The following EIF4ENIF1 variants were observed in gnomAD, a reference collection of about 807,000 sequenced individuals.
The protein encoded by EIF4ENIF1 is eukaryotic translation initiation factor 4E nuclear import factor 1, also known as eukaryotic translation initiation factor 4E transporter.
Under a neutral mutation model 110.5 loss-of-function variants are expected in EIF4ENIF1, and 23 were observed. That is an observed-to-expected ratio of 0.21 (90% CI 0.15 to 0.29). The LOEUF (loss-of-function observed/expected upper bound fraction) is 0.29. Among genes scored for constraint, EIF4ENIF1 ranks in the 10% least tolerant of loss-of-function variants. EIF4ENIF1 has a pLI of 1.00. For synonymous variants in EIF4ENIF1, 440 were observed against 437.0 expected (o/e 1.01, Z -0.09); for missense variants, 1,031 against 1,221.1 (o/e 0.84, Z 2.32).
intron 2 of EIF4ENIF1, among the ~76,000 whole-genome samples, chr22:31,481,706 C>T (rs996190787): frequency 1.3e-5 from 2 of 152,116 alleles, no homozygotes; most frequent in Admixed American, 1.3e-4. Flanking sequence ...TCAGTCACTT[C>T]AACTGCTTGT....
chr22:31,487,862 T>C (rs970646847), intron 2 of EIF4ENIF1, among the ~76,000 whole-genome samples: 22 of 149,648 alleles, frequency 1.5e-4, no homozygotes, highest in African/African-American at 4.9e-4. Context: ...AACTAGGATA[T>C]AACCCTTCTT....
chr22:31,451,440 ATTT>A (rs746661815), intron 10 of EIF4ENIF1, among the ~76,000 whole-genome samples: 1 of 141,698 alleles, frequency 7.1e-6, no homozygotes, highest in Non-Finnish European at 1.5e-5. Context: ...CGCCCAGCTA[ATTT>A]TTTTTTTTTT....
At chr22:31,464,675 C>CAGAAAAAAAAAA (rs2051112331) in intron 4 of EIF4ENIF1, among the ~76,000 whole-genome samples, 1 of 30,924 alleles carries the variant, frequency 3.2e-5, no homozygotes, top group African/African-American at 3.5e-4. Flanking sequence ...GATTCAGTCT[C>CAGAAAAAAAAAA]AAAAAAAAAA....
chr22:31,449,066 A>G (rs980882861), intron 12 of EIF4ENIF1, among the ~76,000 whole-genome samples: 1 of 152,316 alleles, frequency 6.6e-6, no homozygotes, highest in East Asian at 1.9e-4. Context: ...GCTGGAGTAC[A>G]GTGGCGTGAT....
At chr22:31,450,032 G>A (rs534191660) in intron 11 of EIF4ENIF1, among the ~76,000 whole-genome samples, 2 of 152,286 alleles carry the variant, frequency 1.3e-5, no homozygotes, top group South Asian at 4.1e-4. Context: ...TGCCTGGCTA[G>A]ATACTTTTAA....
Position 31,456,223 on chromosome 22 carries a change from CTTTTTTTT to C in EIF4ENIF1, c.964-244_964-237del, listed in dbSNP as rs36001621. Among the ~76,000 whole-genome samples the C allele has an allele frequency of 2.3e-5, 3 of 131,018 alleles. No individual in the cohort carries two copies. In the Admixed American group the frequency reaches 2.4e-4, roughly 10 times the overall value. 86.0% of individuals were successfully genotyped at this position (131,018 alleles called of 152,430 possible). ...TACTTTCCTTTTTTATTTTTTATTA[CTTTTTTTT>C]TTTTTTTTTTGAGACAGAGTCTCGC... On this transcript the variant is annotated intron_variant, in intron 7 of 18. Transcript: ENST00000330125.
rs1491344845 is a variant in EIF4ENIF1 at position 31,450,843 on chromosome 22, CTA to C, written c.1513-485_1513-484del. ...ACATACATACACACATATATATATA[CTA>C]CACACACACACACACACACACACAC... On this transcript the variant is annotated intron_variant, in intron 10 of 18. Coordinates refer to ENST00000330125, the MANE Select transcript of EIF4ENIF1 (RefSeq NM_019843.4). The C allele has an allele frequency of 7.2e-5, 7 of 96,932 alleles. No homozygotes were observed. In the South Asian group the frequency reaches 1.1e-3, roughly 15 times the overall value. The allele number at this position is 96,932 out of a possible 1,614,324, so 6.0% of individuals were successfully genotyped here. A position where few individuals can be genotyped will look rare whatever the true frequency, so the allele number is the denominator to read the frequency against.
At chr22:31,485,056 G>T (rs1429556374) in intron 2 of EIF4ENIF1, among the ~76,000 whole-genome samples, 1 of 152,192 alleles carries the variant, frequency 6.6e-6, no homozygotes, top group Non-Finnish European at 1.5e-5. Context: ...AAAGGGAGAA[G>T]ACTTCTTTAT....
chr22:31,452,030 G>A (rs962088339), intron 10 of EIF4ENIF1, among the ~76,000 whole-genome samples: 1 of 152,166 alleles, frequency 6.6e-6, no homozygotes, highest in Non-Finnish European at 1.5e-5. Flanking sequence ...ATCTCTTTAA[G>A]AGTCATTTAC....
rs745812749 is a variant in EIF4ENIF1, at chr22:31,440,746, G to A, written c.2674C>T (p.Pro892Ser). The change falls in exon 18 of 19, where the codon CCT becomes TCT. Residue 892 changes from proline (P) to serine (S), a missense_variant. Transcript: ENST00000330125. Reference sequence around the variant, plus strand: ...TGTTGCACCATTGCCAGATGCAGAGGTGTTCCAGGACGAGGGTTTAAGAGA... The same window carrying A: ...TGTTGCACCATTGCCAGATGCAGAGATGTTCCAGGACGAGGGTTTAAGAGA... ...HPLLNPRPGT[P>S]LHLAMVQQQL... 7.4e-6 allele frequency: 12 copies of A among 1,613,904 alleles called. No homozygotes were observed. Among genetic ancestry groups the A allele is most frequent in the African/African-American group, 1.3e-5 (1 of 74,936 alleles).
chr22:31,464,300 A>C, intron 4 of EIF4ENIF1: 1 of 238,882 alleles, frequency 4.2e-6, no homozygotes, highest in South Asian at 7.8e-5. Context: ...GCGTATTTGA[A>C]AAAATAACTG....
At chr22:31,442,235 A>G in intron 16 of EIF4ENIF1, 117 bp from the exon 17 acceptor site, 1 of 804,478 alleles carries the variant, frequency 1.2e-6, no homozygotes, top group Non-Finnish European at 2.0e-6. Context: ...TACCCTTAAC[A>G]AGTTTAGAGG....
In EIF4ENIF1 at chr22:31,455,974, A is replaced by G; in HGVS notation, c.977T>C (p.Val326Ala). The G allele has an allele frequency of 6.2e-7, 1 of 1,613,954 alleles. No individual in the cohort carries two copies. Among genetic ancestry groups the G allele is most frequent in the South Asian group, 1.1e-5 (1 of 91,036 alleles). The part of the protein sequence containing the change: ...VPCLASMIED[V>A]LGEGSVSASR... ...GGCAGAGACTGACCCTTCTCCCAAA[A>G]CATCTTCTATCATCTGAAGAAAAAG... is the stretch of plus-strand genomic sequence containing the variant. The change falls in exon 8 of 19, where the codon GTT becomes GCT. Residue 326 changes from valine to alanine, a missense_variant. Coordinates refer to ENST00000330125, the MANE Select transcript of EIF4ENIF1 (RefSeq NM_019843.4).
chr22:31,445,177 G>A (rs1321690447), intron 14 of EIF4ENIF1, among the ~76,000 whole-genome samples: 1 of 152,150 alleles, frequency 6.6e-6, no homozygotes, highest in Non-Finnish European at 1.5e-5. Flanking sequence ...CACCAGTGAG[G>A]TGCGCTAGGG....
chr22:31,482,749 C>T (rs1030749310), intron 2 of EIF4ENIF1, among the ~76,000 whole-genome samples: 2 of 149,370 alleles, frequency 1.3e-5, no homozygotes, highest in Admixed American at 6.6e-5. Flanking sequence ...TGAGGCCAGG[C>T]GTGGTGGCTC....
At chr22:31,475,518 G>A (rs1404029654) in intron 2 of EIF4ENIF1, among the ~76,000 whole-genome samples, 1 of 152,114 alleles carries the variant, frequency 6.6e-6, no homozygotes, top group Non-Finnish European at 1.5e-5. Flanking sequence ...ATAGGAGGCT[G>A]AGGCAGGCAG....
At chr22:31,491,507 C>T (rs1261245788), upstream of EIF4ENIF1, among the ~76,000 whole-genome samples, 5 of 152,046 alleles carry the variant, frequency 3.3e-5, no homozygotes, top group African/African-American at 4.8e-5. Flanking sequence ...CGAAAGGGAT[C>T]GCAGTATACC....
chr22:31,453,045 A>G (rs1333908427), intron 10 of EIF4ENIF1, among the ~76,000 whole-genome samples: 2 of 150,368 alleles, frequency 1.3e-5, no homozygotes, highest in African/African-American at 2.4e-5. Flanking sequence ...GGAAAAAAAG[A>G]GAGAAAACTC....
intron 5 of EIF4ENIF1, 58 bp from the exon 6 acceptor site, chr22:31,463,191 G>C: frequency 2.0e-6 from 3 of 1,535,464 alleles, no homozygotes; most frequent in Non-Finnish European, 2.7e-6. Context: ...TTCTACTTCA[G>C]TCAAGGTCTT....
Sources: gnomAD v4.1 joint callset for allele counts (sites outside exome capture counted in the v4.1 genomes callset) on GRCh38, gnomAD v4.1.1 for gene constraint, MANE v1.5 for transcripts, NCBI Gene and HGNC (gene_info 2026-07-23, HGNC 2026-07-21) for gene names.